Variants in TTC28 observed in about 807,000 individuals in gnomAD.
TTC28 encodes the protein tetratricopeptide repeat domain 28.
TTC28 carries 61 observed loss-of-function variants against 198.0 expected under a neutral mutation model. The observed-to-expected ratio is 0.31, with a 90% confidence interval of 0.25 to 0.38. The LOEUF (loss-of-function observed/expected upper bound fraction) is 0.38, where lower values mean the gene tolerates loss of function less well. TTC28 is among the 10% of genes least tolerant of loss of function. The probability of loss-of-function intolerance (pLI) is 1.00; values close to 1 mark genes in which losing one functional copy is unlikely to be tolerated. For missense variants in TTC28, 2,678 were observed against 3,164.0 expected (o/e 0.85, Z 3.69); for synonymous variants, 1,171 against 1,297.8 (o/e 0.90, Z 2.10).
chr22:28,088,670 A>G (rs1297942779), intron 12 of TTC28, among the ~76,000 whole-genome samples: 1 of 152,220 alleles, frequency 6.6e-6, no homozygotes, highest in Admixed American at 6.5e-5. Flanking sequence ...AATGGGATCT[A>G]ATTAAACTAA....
intron 5 of TTC28, among the ~76,000 whole-genome samples, chr22:28,164,302 C>A (rs887773333): frequency 6.6e-6 from 1 of 152,292 alleles, no homozygotes; most frequent in Admixed American, 6.5e-5. Flanking sequence ...AGTAGTGGTT[C>A]TCCCAGCACG....
chr22:28,373,131 C>A (rs566063725), intron 2 of TTC28, among the ~76,000 whole-genome samples: 20 of 152,140 alleles, frequency 1.3e-4, no homozygotes, highest in African/African-American at 4.6e-4. Flanking sequence ...TCACATTATT[C>A]ATTGGATCCT....
At chr22:28,470,527 T>C (rs929732455) in intron 2 of TTC28, among the ~76,000 whole-genome samples, 2 of 152,192 alleles carry the variant, frequency 1.3e-5, no homozygotes, top group Admixed American at 6.5e-5. Flanking sequence ...GTGCCCCAAA[T>C]TTCTACCATA....
intron 12 of TTC28, among the ~76,000 whole-genome samples, chr22:28,085,361 A>C (rs565138214): frequency 5.4e-4 from 82 of 152,294 alleles, no homozygotes; most frequent in Middle Eastern, 3.4e-3. Flanking sequence ...AATATTCAAC[A>C]TTCTTAAAGA....
At chr22:28,087,530 T>C (rs1941652488) in intron 12 of TTC28, among the ~76,000 whole-genome samples, 2 of 152,076 alleles carry the variant, frequency 1.3e-5, no homozygotes, top group South Asian at 4.1e-4. Flanking sequence ...TAAGAGCTAT[T>C]TATGACAAAC....
chr22:28,072,685 G>A (rs1941036889), intron 12 of TTC28, among the ~76,000 whole-genome samples: 1 of 152,108 alleles, frequency 6.6e-6, no homozygotes, highest in Admixed American at 6.6e-5. Flanking sequence ...AGGAAAAAAT[G>A]ATGCCCCAGC....
chr22:28,446,404 T>C (rs1171805144), intron 2 of TTC28, among the ~76,000 whole-genome samples: 1 of 152,122 alleles, frequency 6.6e-6, no homozygotes, highest in African/African-American at 2.4e-5. Flanking sequence ...TGAATGTTTA[T>C]CCCCTCCAAA....
At chr22:28,464,927 A>G (rs1039816387) in intron 2 of TTC28, among the ~76,000 whole-genome samples, 2 of 152,180 alleles carry the variant, frequency 1.3e-5, no homozygotes, top group African/African-American at 4.8e-5. Context: ...TCAACTCACG[A>G]AAGAACTTGA....
At chr22:28,442,093 T>TAA (rs1434748618) in intron 2 of TTC28, among the ~76,000 whole-genome samples, 2 of 152,110 alleles carry the variant, frequency 1.3e-5, no homozygotes, top group Non-Finnish European at 2.9e-5. Flanking sequence ...CCAATAGCAA[T>TAA]TTATTTTGAT....
chr22:28,372,641 C>A (rs1392305332), intron 2 of TTC28, among the ~76,000 whole-genome samples: 1 of 151,868 alleles, frequency 6.6e-6, no homozygotes, highest in South Asian at 2.1e-4. Flanking sequence ...TTGTTCCCAA[C>A]TAAAGGGCCA....
intron 2 of TTC28, among the ~76,000 whole-genome samples, chr22:28,430,218 CT>C (rs1442975787): frequency 6.6e-6 from 1 of 152,032 alleles, no homozygotes; most frequent in African/African-American, 2.4e-5. Flanking sequence ...AATTCTATTT[CT>C]TAGTGGGAAC....
intron 2 of TTC28, among the ~76,000 whole-genome samples, chr22:28,431,013 G>A (rs548844567): frequency 5.5e-4 from 83 of 151,626 alleles, no homozygotes; most frequent in African/African-American, 1.8e-3. Flanking sequence ...CTACTCTACC[G>A]TGAAGACTCT....
chr22:28,390,153 T>G (rs532689406), intron 2 of TTC28, among the ~76,000 whole-genome samples: 23 of 152,334 alleles, frequency 1.5e-4, no homozygotes, highest in African/African-American at 4.1e-4. Flanking sequence ...TTGAGCTGTT[T>G]TGAGTGAGAA....
chr22:28,393,693 T>TA (rs889086426), intron 2 of TTC28, among the ~76,000 whole-genome samples: 1 of 152,032 alleles, frequency 6.6e-6, no homozygotes, highest in Non-Finnish European at 1.5e-5. Flanking sequence ...GACCCTGTCT[T>TA]AAAAAAATAA....
chr22:28,082,439 A>G (rs1370673122), intron 12 of TTC28, among the ~76,000 whole-genome samples: 1 of 152,176 alleles, frequency 6.6e-6, no homozygotes, highest in Admixed American at 6.6e-5. Context: ...ACTAGCTTGC[A>G]GTGTGGTTTT....
chr22:28,275,031 T>TA (rs1389770377), intron 5 of TTC28, among the ~76,000 whole-genome samples: 2 of 140,634 alleles, frequency 1.4e-5, no homozygotes, highest in East Asian at 2.1e-4. Context: ...AGGAATTTGA[T>TA]AGAGTAGATC....
chr22:28,513,955 T>C (rs926990246), intron 2 of TTC28, among the ~76,000 whole-genome samples: 2 of 152,122 alleles, frequency 1.3e-5, no homozygotes, highest in African/African-American at 4.8e-5. Context: ...CTTAAAATCA[T>C]ACTGTTATAA....
intron 2 of TTC28, among the ~76,000 whole-genome samples, chr22:28,336,570 G>A (rs134493): frequency 1.1e-4 from 16 of 152,026 alleles, no homozygotes; most frequent in Non-Finnish European, 1.8e-4. Context: ...GTCTTGGGAG[G>A]GTGTATGTAT....
At chr22:28,318,208 C>T (rs1437747565) in intron 2 of TTC28, among the ~76,000 whole-genome samples, 3 of 152,000 alleles carry the variant, frequency 2.0e-5, no homozygotes, top group Admixed American at 1.3e-4. Context: ...CTGCCCCGGC[C>T]GCCTCCACTG....
Sources: gnomAD v4.1 joint callset for allele counts (sites outside exome capture counted in the v4.1 genomes callset) on GRCh38, gnomAD v4.1.1 for gene constraint, MANE v1.5 for transcripts, NCBI Gene and HGNC (gene_info 2026-07-23, HGNC 2026-07-21) for gene names.